CDH12: variants seen among roughly 807,000 people sequenced by gnomAD.
CDH12 encodes cadherin-12.
A neutral mutation model predicts 74.1 loss-of-function variants in CDH12; 41 were observed. That is an observed-to-expected ratio of 0.55 (90% CI 0.43 to 0.72). The LOEUF is 0.72. Among genes scored for constraint, CDH12 ranks in the 30% least tolerant of loss-of-function variants. The pLI, the probability that CDH12 is intolerant of heterozygous loss-of-function variation, is 0.00. For synonymous variants in CDH12, 399 were observed against 355.0 expected (o/e 1.12, Z -1.39); for missense variants, 945 against 977.2 (o/e 0.97, Z 0.44).
chr5:22,762,182 G>A (rs1746262319), intron 1 of CDH12, among the ~76,000 whole-genome samples: 1 of 152,062 alleles, frequency 6.6e-6, no homozygotes, highest in Non-Finnish European at 1.5e-5. Flanking sequence ...AAACTCACAT[G>A]CATCTATGTG....
At chr5:22,431,500 T>C (rs1350977916) in intron 2 of CDH12, among the ~76,000 whole-genome samples, 2 of 152,250 alleles carry the variant, frequency 1.3e-5, no homozygotes, top group Admixed American at 1.3e-4. Flanking sequence ...CTGGCTTATG[T>C]ATTTACTATA....
At chr5:22,144,851 TA>T (rs989431118) in intron 4 of CDH12, among the ~76,000 whole-genome samples, 6 of 152,146 alleles carry the variant, frequency 3.9e-5, no homozygotes, top group Non-Finnish European at 7.4e-5. Context: ...TAATATTACA[TA>T]AAATACGCAT....
At chr5:22,452,695 C>G (rs1482633498) in intron 2 of CDH12, among the ~76,000 whole-genome samples, 2 of 150,936 alleles carry the variant, frequency 1.3e-5, no homozygotes, top group Non-Finnish European at 3.0e-5. Context: ...TCAAAAACAC[C>G]AGCAACTGAA....
chr5:22,298,145 T>C (rs547860890), intron 3 of CDH12, among the ~76,000 whole-genome samples: 7 of 149,992 alleles, frequency 4.7e-5, no homozygotes, highest in African/African-American at 1.7e-4. Context: ...TTAATATATA[T>C]ATTATATATA....
intron 4 of CDH12, among the ~76,000 whole-genome samples, chr5:22,166,427 G>T (rs1305687071): frequency 2.6e-5 from 4 of 152,052 alleles, no homozygotes; most frequent in Non-Finnish European, 5.9e-5. Context: ...ATACCATATT[G>T]TCTAGTAGTT....
chr5:22,394,508 G>A (rs751414112), intron 3 of CDH12, among the ~76,000 whole-genome samples: 18 of 151,722 alleles, frequency 1.2e-4, no homozygotes, highest in Admixed American at 3.9e-4. Flanking sequence ...AGCAATGGGT[G>A]TAGAAACTAA....
intron 3 of CDH12, among the ~76,000 whole-genome samples, chr5:22,261,939 A>G (rs1178659804): frequency 1.3e-5 from 2 of 151,990 alleles, no homozygotes; most frequent in African/African-American, 4.8e-5. Flanking sequence ...AAACTATGTC[A>G]AGGCCCTATT....
chr5:21,960,089 AG>A lies in CDH12; in HGVS notation c.526+15001del, dbSNP rs1756288235. Among the ~76,000 whole-genome samples, 9 of 152,242 alleles carry A rather than the reference AG, an allele frequency of 5.9e-5. No homozygotes were observed. In the South Asian group the frequency reaches 1.9e-3, roughly 32 times the overall value. On this transcript the variant is annotated intron_variant, in intron 6 of 14. Transcript: ENST00000382254. ...AAAGAGGCTCCCACACAATAATAGT[AG>A]GAGACTTTAACACACCACTGACAGT...
intron 5 of CDH12, among the ~76,000 whole-genome samples, chr5:22,033,185 T>C (rs968939171): frequency 1.3e-5 from 2 of 152,184 alleles, no homozygotes; most frequent in Non-Finnish European, 2.9e-5. Context: ...ACATACATTC[T>C]GTGAGTAGAA....
At chr5:22,768,260 A>G in intron 1 of CDH12, among the ~76,000 whole-genome samples, 1 of 152,080 alleles carries the variant, frequency 6.6e-6, no homozygotes, top group Admixed American at 6.6e-5. Context: ...TTTTATGAAA[A>G]CTGTAGTTAG....
At chr5:22,707,692 A>G (rs1743087741) in intron 1 of CDH12, among the ~76,000 whole-genome samples, 1 of 152,178 alleles carries the variant, frequency 6.6e-6, no homozygotes, top group Non-Finnish European at 1.5e-5. Flanking sequence ...TATTTTGTCT[A>G]TTTACTCTGG....
intron 4 of CDH12, among the ~76,000 whole-genome samples, chr5:22,089,431 A>C (rs1398319856): frequency 6.6e-6 from 1 of 152,224 alleles, no homozygotes. Flanking sequence ...TGTCAAAGTA[A>C]CATTATAAAC....
chr5:22,707,473 C>A (rs1428171311), intron 1 of CDH12, among the ~76,000 whole-genome samples: 1 of 152,076 alleles, frequency 6.6e-6, no homozygotes, highest in Non-Finnish European at 1.5e-5. Context: ...AAAGTGTATG[C>A]AGTAAGCTCA....
At chr5:22,788,329 T>G (rs2126373650) in intron 1 of CDH12, among the ~76,000 whole-genome samples, 1 of 152,180 alleles carries the variant, frequency 6.6e-6, no homozygotes, top group Admixed American at 6.6e-5. Context: ...ATTTTACTTT[T>G]GTTACACAAA....
At chr5:22,616,730 A>T (rs1365477734) in intron 1 of CDH12, among the ~76,000 whole-genome samples, 2 of 152,034 alleles carry the variant, frequency 1.3e-5, no homozygotes, top group African/African-American at 4.8e-5. Context: ...GAGTGCTATG[A>T]TCTGAATGTC....
chr5:22,269,227 A>G (rs577729811), intron 3 of CDH12, among the ~76,000 whole-genome samples: 133 of 152,306 alleles, frequency 8.7e-4, no homozygotes, highest in African/African-American at 3.1e-3. Context: ...AAAATAAAAT[A>G]ACATTTTGTG....
chr5:22,534,980 T>TC (rs911348532), intron 1 of CDH12, among the ~76,000 whole-genome samples: 5 of 148,384 alleles, frequency 3.4e-5, no homozygotes, highest in Admixed American at 6.7e-5. Context: ...TATTGCATTT[T>TC]TTTTTTTTTT....
chr5:21,874,807 G>A (rs535134148), intron 6 of CDH12, among the ~76,000 whole-genome samples: 26 of 152,222 alleles, frequency 1.7e-4, no homozygotes, highest in Admixed American at 1.2e-3. Flanking sequence ...GCTCCCAGTC[G>A]GGCTAGAGGC....
At chr5:21,911,026 T>C (rs1753838597) in intron 6 of CDH12, among the ~76,000 whole-genome samples, 1 of 152,228 alleles carries the variant, frequency 6.6e-6, no homozygotes, top group South Asian at 2.1e-4. Flanking sequence ...AGCCTTGTAG[T>C]GTTTCAAAGA....
Sources: gnomAD v4.1 joint callset for allele counts (sites outside exome capture counted in the v4.1 genomes callset) on GRCh38, gnomAD v4.1.1 for gene constraint, MANE v1.5 for transcripts, NCBI Gene and HGNC (gene_info 2026-07-23, HGNC 2026-07-21) for gene names.